ADGRA3: variants seen among roughly 807,000 people sequenced by gnomAD.
ADGRA3 encodes the protein adhesion G protein-coupled receptor A3.
In ADGRA3, 56 loss-of-function variants were observed where a neutral mutation model predicts 119.8. The observed-to-expected ratio is 0.47, with a 90% CI of 0.38 to 0.58. The LOEUF is 0.58. Ranked by LOEUF, ADGRA3 falls within the 20% of genes least tolerant of loss-of-function variation. The pLI, the probability that ADGRA3 is intolerant of heterozygous loss-of-function variation, is 0.00. For missense variants in ADGRA3, 1,516 were observed against 1,649.0 expected (o/e 0.92, Z 1.40); for synonymous variants, 607 against 623.8 (o/e 0.97, Z 0.40).
At chr4:22,493,616 T>G (rs1055232215) in intron 1 of ADGRA3, among the ~76,000 whole-genome samples, 7 of 152,166 alleles carry the variant, frequency 4.6e-5, no homozygotes, top group African/African-American at 1.7e-4. Context: ...GGTAAAGCAC[T>G]AGGACTTTTT....
At chr4:22,418,197 GCT>G (rs778090209) in intron 12 of ADGRA3, among the ~76,000 whole-genome samples, 20 of 152,300 alleles carry the variant, frequency 1.3e-4, no homozygotes, top group Non-Finnish European at 2.5e-4. Flanking sequence ...GTATCAGGCA[GCT>G]CTGTCACCAA....
At chr4:22,498,255 A>AC (rs1024455631) in intron 1 of ADGRA3, among the ~76,000 whole-genome samples, 4 of 151,332 alleles carry the variant, frequency 2.6e-5, no homozygotes, top group Non-Finnish European at 4.4e-5. Flanking sequence ...TCACAAACAA[A>AC]AAATAAATAA....
intron 11 of ADGRA3, among the ~76,000 whole-genome samples, chr4:22,422,246 T>C (rs1715734805): frequency 6.6e-6 from 1 of 152,182 alleles, no homozygotes; most frequent in Admixed American, 6.5e-5. Flanking sequence ...CACATATGGA[T>C]GTCTTTTTCT....
chr4:22,398,544 C>T lies in ADGRA3; in HGVS notation c.2481+2887G>A, dbSNP rs372337458. Among the ~76,000 whole-genome samples, 6 of 152,224 alleles carry T rather than the reference C, an allele frequency of 3.9e-5. No individual in the cohort carries two copies. The East Asian group carries it at 7.7e-4, about 20-fold the overall frequency. ...TATCCTCTGTATCATCACCCTACAA[C>T]CTCTGTTCATCACTCCCTTGCTTTC... On this transcript the variant is annotated intron_variant, in intron 16 of 18. Transcript: ENST00000334304.
Position 22,435,339 on chromosome 4 carries a change from C to T in ADGRA3, c.1415G>A (p.Arg472Lys). 3 of 1,613,180 alleles carry T rather than the reference C, an allele frequency of 1.9e-6. No individual in the cohort carries two copies. Among genetic ancestry groups the T allele is most frequent in the Non-Finnish European group, 2.5e-6 (3 of 1,179,340 alleles). ...FVAEMIEKFG[R>K]FTKEEKSKEL... The stretch of plus-strand genomic sequence containing the variant: ...TTTTGATTTTTCCTCCTTGGTAAAT[C>T]TTCCAAATTTTTCAATCATTTCTGC... The change falls in exon 10 of 19, where the codon AGA becomes AAA. Residue 472 changes from arginine to lysine, a missense_variant. Arg to Lys is a conservative substitution (Grantham distance 26, BLOSUM62 2). This residue lies in a region of ADGRA3 where 1,088 missense variants were observed against 1,107.1 expected (regional missense o/e 0.98). Coordinates refer to ENST00000334304, the MANE Select transcript of ADGRA3 (RefSeq NM_145290.4).
intron 10 of ADGRA3, 122 bp downstream of exon 10, chr4:22,435,189 T>C: frequency 2.3e-6 from 2 of 860,782 alleles, no homozygotes. Context: ...TCTGGAAATT[T>C]AAAAGCATGC....
At chr4:22,458,531 AT>A (rs549326092) in intron 3 of ADGRA3, among the ~76,000 whole-genome samples, 365 of 152,186 alleles carry the variant, frequency 2.4e-3, no homozygotes, top group Non-Finnish European at 4.0e-3. Context: ...GAGCTTCCTG[AT>A]TTACCTGTGT....
intron 1 of ADGRA3, among the ~76,000 whole-genome samples, chr4:22,508,482 A>C (rs1364596760): frequency 6.6e-6 from 1 of 152,200 alleles, no homozygotes; most frequent in Non-Finnish European, 1.5e-5. Context: ...ACACTGCCTC[A>C]ACCGATGTCC....
chr4:22,452,096 T>C (rs1328119705), intron 4 of ADGRA3, among the ~76,000 whole-genome samples: 1 of 152,202 alleles, frequency 6.6e-6, no homozygotes, highest in Non-Finnish European at 1.5e-5. Flanking sequence ...GCAATGTCAC[T>C]GCAACACAAT....
intron 1 of ADGRA3, among the ~76,000 whole-genome samples, chr4:22,487,195 A>G (rs1003396120): frequency 6.6e-6 from 1 of 152,152 alleles, no homozygotes; most frequent in African/African-American, 2.4e-5. Flanking sequence ...AACTTCACAG[A>G]TATTGTTTAG....
chr4:22,424,847 G>A, intron 10 of ADGRA3, among the ~76,000 whole-genome samples: 1 of 152,130 alleles, frequency 6.6e-6, no homozygotes. Flanking sequence ...CGAGGTGGGT[G>A]GATCATTTGA....
intron 1 of ADGRA3, chr4:22,477,686 G>A (rs920338660): frequency 2.0e-5 from 3 of 152,126 alleles, no homozygotes; most frequent in South Asian, 2.1e-4. Flanking sequence ...GCTTTAGTAC[G>A]AGAAATGATA....
intron 1 of ADGRA3, among the ~76,000 whole-genome samples, chr4:22,489,334 G>A (rs1328784903): frequency 6.6e-6 from 1 of 152,154 alleles, no homozygotes; most frequent in Non-Finnish European, 1.5e-5. Context: ...ACTTAAAGAT[G>A]AGATTTCGGT....
intron 1 of ADGRA3, among the ~76,000 whole-genome samples, chr4:22,501,674 T>C (rs1719052248): frequency 6.6e-6 from 1 of 151,546 alleles, no homozygotes; most frequent in African/African-American, 2.4e-5. Context: ...AGACTTAGTA[T>C]AAAAGGTCTA....
intron 2 of ADGRA3, among the ~76,000 whole-genome samples, chr4:22,464,620 G>T (rs548743037): frequency 1.3e-5 from 2 of 152,296 alleles, no homozygotes; most frequent in South Asian, 4.1e-4. Flanking sequence ...CAGCGCTCAC[G>T]CCTGCAGTCC....
intron 1 of ADGRA3, among the ~76,000 whole-genome samples, chr4:22,493,510 T>C (rs1290902496): frequency 1.3e-5 from 2 of 152,176 alleles, no homozygotes; most frequent in Non-Finnish European, 2.9e-5. Context: ...GCTGTTTTGA[T>C]AGTTTCTCTG....
intron 3 of ADGRA3, among the ~76,000 whole-genome samples, chr4:22,458,992 T>C (rs542390199): frequency 7.2e-5 from 11 of 152,168 alleles, no homozygotes; most frequent in Non-Finnish European, 1.5e-4. Context: ...CTGATTCAAA[T>C]TGTAACTAAT....
At chr4:22,447,412 A>G (rs768511050) in intron 5 of ADGRA3, 28 bp downstream of exon 5, 8 of 1,344,180 alleles carry the variant, frequency 6.0e-6, no homozygotes, top group South Asian at 1.4e-5. Flanking sequence ...AATCAAAAAA[A>G]AAAAGAGAGA....
Position 22,388,269 on chromosome 4 carries a change from G to A in ADGRA3, c.3402C>T (p.Ser1134=), listed in dbSNP as rs1423296734. 7 of 1,613,832 alleles carry A rather than the reference G, an allele frequency of 4.3e-6. No individual in the cohort carries two copies. The highest frequency in any genetic ancestry group is 2.2e-5 in the East Asian group (1 of 44,872). ...TCAGACTATTATCAAGCTGAGGGGTGGAGTTCAAAGGTAAAGAATTGGCAT... is the reference window on the plus strand; with the variant it reads ...TCAGACTATTATCAAGCTGAGGGGTAGAGTTCAAAGGTAAAGAATTGGCAT... ...QCHANSLPLN[S]TPQLDNSLTE... The change falls in exon 19 of 19, where the codon TCC becomes TCT. Residue 1134 remains serine (S), a synonymous_variant. Coordinates refer to ENST00000334304, the MANE Select transcript of ADGRA3 (RefSeq NM_145290.4).
Sources: gnomAD v4.1 joint callset for allele counts (sites outside exome capture counted in the v4.1 genomes callset) on GRCh38, gnomAD v4.1.1 for gene constraint, gnomAD v4.1.1 regional missense constraint, MANE v1.5 for transcripts, NCBI Gene and HGNC (gene_info 2026-07-23, HGNC 2026-07-21) for gene names.